The following CLSTN2 variants were observed in gnomAD, a reference collection of about 807,000 sequenced individuals.
The protein encoded by CLSTN2 is calsyntenin 2.
Under a neutral mutation model 101.2 loss-of-function variants are expected in CLSTN2, and 48 were observed. The ratio of observed to expected loss-of-function variants is 0.47; its 90% CI spans 0.38 to 0.60. The LOEUF (loss-of-function observed/expected upper bound fraction) is 0.60. CLSTN2 is among the 20% of genes least tolerant of loss of function. The probability of loss-of-function intolerance (pLI) is 0.00; values close to 1 mark genes in which losing one functional copy is unlikely to be tolerated. For missense variants in CLSTN2, 1,160 were observed against 1,238.2 expected, an observed-to-expected ratio of 0.94 and a Z score of 0.95; for synonymous variants, 481 against 463.6, an observed-to-expected ratio of 1.04 and a Z score of -0.48.
intron 1 of CLSTN2, among the ~76,000 whole-genome samples, chr3:140,124,933 G>A (rs1163534502): frequency 6.6e-6 from 1 of 152,202 alleles, no homozygotes; most frequent in African/African-American, 2.4e-5. Context: ...ACAGGGGCTA[G>A]GGCCATAGGA....
chr3:140,508,384 ATCATTTGT>A (rs746035993), intron 8 of CLSTN2: 7 of 152,156 alleles, frequency 4.6e-5, no homozygotes, highest in Non-Finnish European at 7.3e-5. Context: ...TCTTAATGCA[ATCATTTGT>A]TCATTCATTC....
chr3:139,967,880 C>T (rs1014651387), intron 1 of CLSTN2, among the ~76,000 whole-genome samples: 2 of 151,952 alleles, frequency 1.3e-5, no homozygotes, highest in African/African-American at 4.8e-5. Flanking sequence ...TTTCAGGGGG[C>T]CAATTTGCCT....
At chr3:140,079,917 C>T (rs1430693162) in intron 1 of CLSTN2, among the ~76,000 whole-genome samples, 2 of 152,070 alleles carry the variant, frequency 1.3e-5, no homozygotes, top group Non-Finnish European at 2.9e-5. Context: ...TGTTTAGGTC[C>T]AGTGCATATA....
chr3:139,960,857 G>A (rs1244607424), intron 1 of CLSTN2, among the ~76,000 whole-genome samples: 1 of 152,170 alleles, frequency 6.6e-6, no homozygotes. Flanking sequence ...AGACTCTCGT[G>A]AAACACATTG....
At chr3:140,260,712 G>A (rs1474000581) in intron 2 of CLSTN2, among the ~76,000 whole-genome samples, 1 of 152,060 alleles carries the variant, frequency 6.6e-6, no homozygotes, top group Non-Finnish European at 1.5e-5. Context: ...TTTTATTAAT[G>A]TTTTTCTAAT....
chr3:139,993,365 GCTTGTA>G (rs1936148642), intron 1 of CLSTN2, among the ~76,000 whole-genome samples: 1 of 152,240 alleles, frequency 6.6e-6, no homozygotes, highest in East Asian at 1.9e-4. Flanking sequence ...TCCTAACTCA[GCTTGTA>G]CTGTCGACCC....
chr3:140,445,342 G>A (rs1438788627), intron 5 of CLSTN2, among the ~76,000 whole-genome samples: 1 of 152,196 alleles, frequency 6.6e-6, no homozygotes. Context: ...ATATCTAGAC[G>A]AGAAAGGGAT....
chr3:140,116,853 T>C (rs930484884), intron 1 of CLSTN2, among the ~76,000 whole-genome samples: 8 of 152,194 alleles, frequency 5.3e-5, no homozygotes, highest in Non-Finnish European at 1.2e-4. Flanking sequence ...CCCATACACC[T>C]CTCAGTTAAT....
intron 1 of CLSTN2, among the ~76,000 whole-genome samples, chr3:140,079,690 G>T (rs1438941754): frequency 2.0e-5 from 3 of 151,628 alleles, no homozygotes; most frequent in Non-Finnish European, 4.4e-5. Flanking sequence ...GGCAGAGGTT[G>T]CAGTGAGCCG....
At chr3:140,274,906 G>A (rs550493342) in intron 2 of CLSTN2, among the ~76,000 whole-genome samples, 154 of 152,312 alleles carry the variant, frequency 1.0e-3, no homozygotes, top group South Asian at 1.5e-3. Flanking sequence ...GGCGAGCATG[G>A]AGGCAGGGAA....
chr3:140,146,217 G>T (rs1301906311), intron 1 of CLSTN2, among the ~76,000 whole-genome samples: 1 of 152,192 alleles, frequency 6.6e-6, no homozygotes, highest in Non-Finnish European at 1.5e-5. Context: ...AATTTAATAA[G>T]TTCAACTAAG....
intron 1 of CLSTN2, among the ~76,000 whole-genome samples, chr3:139,938,380 C>G (rs1935066426): frequency 6.6e-6 from 1 of 152,160 alleles, no homozygotes; most frequent in Non-Finnish European, 1.5e-5. Context: ...CTTCTTGCTT[C>G]TTGCTTCTTG....
chr3:140,084,850 C>G (rs1443975243), intron 1 of CLSTN2, among the ~76,000 whole-genome samples: 1 of 152,172 alleles, frequency 6.6e-6, no homozygotes, highest in Non-Finnish European at 1.5e-5. Flanking sequence ...AATACAGTAC[C>G]CTCCTGAGGA....
chr3:140,001,630 A>G (rs1363155349), intron 1 of CLSTN2, among the ~76,000 whole-genome samples: 2 of 152,026 alleles, frequency 1.3e-5, no homozygotes, highest in South Asian at 2.1e-4. Flanking sequence ...GATCCAAAAT[A>G]CTTTTTTTAA....
chr3:140,513,583 CTTT>C (rs55778787), intron 8 of CLSTN2, among the ~76,000 whole-genome samples: 1 of 117,768 alleles, frequency 8.5e-6, no homozygotes, highest in Non-Finnish European at 1.7e-5. Flanking sequence ...TTTTTTCTTT[CTTT>C]TTTTTTTTTT....
At chr3:140,235,683 G>T (rs372374084) in intron 2 of CLSTN2, among the ~76,000 whole-genome samples, 18 of 152,146 alleles carry the variant, frequency 1.2e-4, no homozygotes, top group Admixed American at 3.3e-4. Context: ...GAGCTATTCA[G>T]CCAGTGAAGC....
intron 8 of CLSTN2, among the ~76,000 whole-genome samples, chr3:140,500,407 T>C (rs1470952784): frequency 1.3e-5 from 2 of 152,242 alleles, no homozygotes; most frequent in South Asian, 2.1e-4. Context: ...CTTTCTGATA[T>C]GAGCAATCCC....
At chr3:140,377,288 A>G (rs1240479699) in intron 2 of CLSTN2, among the ~76,000 whole-genome samples, 1 of 152,238 alleles carries the variant, frequency 6.6e-6, no homozygotes, top group Non-Finnish European at 1.5e-5. Flanking sequence ...CATAATACTC[A>G]ATAATGATAA....
At chr3:140,128,927 G>A (rs1021202365) in intron 1 of CLSTN2, among the ~76,000 whole-genome samples, 7 of 152,140 alleles carry the variant, frequency 4.6e-5, no homozygotes, top group Admixed American at 3.3e-4. Context: ...ATTAACACAT[G>A]AGGTCATCAG....
Sources: allele counts gnomAD v4.1 joint callset (sites outside exome capture counted in the v4.1 genomes callset), GRCh38; gene constraint gnomAD v4.1.1; transcripts MANE v1.5; gene names NCBI Gene and HGNC (gene_info 2026-07-23, HGNC 2026-07-21).